Variants in NUP205 observed in about 807,000 individuals in gnomAD.
The protein encoded by NUP205 is nuclear pore complex protein Nup205.
In NUP205, 76 loss-of-function variants were observed where a neutral mutation model predicts 253.8. The ratio of observed to expected loss-of-function variants is 0.30; its 90% CI spans 0.25 to 0.36. NUP205 has a LOEUF of 0.36. NUP205 is among the 10% of genes least tolerant of loss of function. The probability of loss-of-function intolerance (pLI) is 1.00; values close to 1 mark genes in which losing one functional copy is unlikely to be tolerated. For synonymous variants in NUP205, 832 were observed against 850.1 expected (o/e 0.98, Z 0.37); for missense variants, 2,162 against 2,425.5 (o/e 0.89, Z 2.28).
intron 22 of NUP205, among the ~76,000 whole-genome samples, chr7:135,613,544 T>C (rs1563128926): frequency 6.6e-6 from 1 of 151,374 alleles, no homozygotes; most frequent in East Asian, 1.9e-4. Context: ...TCTTTTTTTT[T>C]CTTTTTTTTT....
chr7:135,626,425 A>T, intron 33 of NUP205, 64 bp downstream of exon 33: 1 of 1,542,168 alleles, frequency 6.5e-7, no homozygotes, highest in Non-Finnish European at 8.8e-7. Flanking sequence ...GGAAGAAAAA[A>T]TTCCAAACAT....
chr7:135,626,466 T>C, intron 33 of NUP205, 105 bp downstream of exon 33: 1 of 1,271,718 alleles, frequency 7.9e-7, no homozygotes, highest in Non-Finnish European at 1.1e-6. Flanking sequence ...CTCTTTCATC[T>C]TGGTGTGGGT....
chr7:135,605,904 A>G (rs1345098771), intron 19 of NUP205, among the ~76,000 whole-genome samples: 10 of 151,928 alleles, frequency 6.6e-5, no homozygotes, highest in Admixed American at 2.6e-4. Context: ...AAAATTAGGA[A>G]GCAAGTTTTG....
At chr7:135,589,169 C>CT (rs1806554376) in intron 10 of NUP205, among the ~76,000 whole-genome samples, 1 of 143,094 alleles carries the variant, frequency 7.0e-6, no homozygotes, top group East Asian at 2.0e-4. Flanking sequence ...GACCCTGACT[C>CT]TTTAAAAAAA....
rs61756075 is a variant in NUP205 at position 135,577,126 on chromosome 7, G to C, written c.646G>C (p.Glu216Gln). The C allele has an allele frequency of 8.0e-4, 1,288 of 1,610,110 alleles. 1 individual carries two copies. Among genetic ancestry groups the C allele is most frequent in the Non-Finnish European group, 9.7e-4 (1,148 of 1,178,666 alleles). The change falls in exon 5 of 43, where the codon GAG (glutamate) becomes CAG (glutamine). Residue 216 changes from glutamate to glutamine, a missense_variant and splice_region_variant. By Grantham distance (29) the Glu-to-Gln change is conservative (BLOSUM62 2). Around this residue, in one of 5 missense-constraint regions of NUP205, gnomAD observed 892 missense variants for 957.1 expected, o/e 0.93. Transcript: ENST00000285968. ...RGLGSEKHRK[E>Q]VSDLIKECRQ... is the part of the protein sequence containing the mutation. Reference sequence around the variant, plus strand: ...TTTGGGCAGTGAAAAACATCGCAAAGAGGCAAGGGTTCAATGAAATCAATT... The same window carrying C: ...TTTGGGCAGTGAAAAACATCGCAAACAGGCAAGGGTTCAATGAAATCAATT...
At position 135,593,074 on chromosome 7, in the gene NUP205, A is replaced by G. The variant is rs766056265; in HGVS notation, c.1712A>G (p.Lys571Arg). The change falls in exon 12 of 43, where the codon AAG (lysine) becomes AGG (arginine). Residue 571 changes from lysine to arginine, a missense_variant. Physicochemically the swap from Lys to Arg is conservative, Grantham distance 26 (BLOSUM62 2). Coordinates refer to ENST00000285968, the MANE Select transcript of NUP205 (RefSeq NM_015135.3). ...SLMLYHEHLR[K>R]DLPSADSVQY... ...ATGCTTTACCACGAACACCTTCGGA[A>G]GGATCTTCCAAGTGCAGATAGTGTC... is the stretch of plus-strand genomic sequence containing the variant. 1.2e-6 allele frequency: 2 copies of G among 1,614,118 alleles called. No individual in the cohort carries two copies. Among genetic ancestry groups the G allele is most frequent in the South Asian group, 2.2e-5 (2 of 91,080 alleles).
chr7:135,610,523 A>G (rs956623561), intron 22 of NUP205, among the ~76,000 whole-genome samples: 1 of 152,098 alleles, frequency 6.6e-6, no homozygotes, highest in Non-Finnish European at 1.5e-5. Context: ...CCCGGCCATA[A>G]CATATGCTCT....
intron 1 of NUP205, among the ~76,000 whole-genome samples, chr7:135,562,766 T>C (rs1216823105): frequency 2.6e-5 from 4 of 151,912 alleles, no homozygotes; most frequent in Non-Finnish European, 5.9e-5. Flanking sequence ...AGGATGGTCT[T>C]GATCTCCTGA....
At chr7:135,636,191 T>C (rs985399951) in intron 36 of NUP205, among the ~76,000 whole-genome samples, 2 of 152,190 alleles carry the variant, frequency 1.3e-5, no homozygotes, top group African/African-American at 4.8e-5. Flanking sequence ...TCTGGGAGCC[T>C]CTTGGCCTGG....
In NUP205 at chr7:135,635,538, G is replaced by T. The variant is rs752858003; in HGVS notation, c.5060-43G>T. 1.0e-5 allele frequency: 11 copies of T among 1,053,430 alleles called. No individual in the cohort carries two copies. In the South Asian group the frequency reaches 1.5e-4, roughly 15 times the overall value. 65.3% of individuals were successfully genotyped at this position (1,053,430 alleles called of 1,614,324 possible). A position where few individuals can be genotyped will look rare whatever the true frequency, so the allele number is the denominator to read the frequency against. ...TCTCTTCCTAGTTTTTAATGTTTTT[G>T]TTTATTATAATAATATGTTTTAAAG... On this transcript the variant is annotated intron_variant, in intron 35 of 42. Transcript: ENST00000285968.
chr7:135,627,825 C>T (rs975588067), intron 33 of NUP205, 148 bp from the exon 34 acceptor site: 24 of 594,752 alleles, frequency 4.0e-5, no homozygotes, highest in Non-Finnish European at 5.8e-5. Context: ...CTCTGGACCG[C>T]GGATGTATAT....
chr7:135,625,988 A>C (rs1387271680), intron 32 of NUP205, among the ~76,000 whole-genome samples: 1 of 152,206 alleles, frequency 6.6e-6, no homozygotes, highest in Non-Finnish European at 1.5e-5. Flanking sequence ...CCACATGATA[A>C]TAACAGGACC....
chr7:135,560,851 G>A (rs1330443340), intron 1 of NUP205, among the ~76,000 whole-genome samples: 2 of 152,140 alleles, frequency 1.3e-5, no homozygotes, highest in Non-Finnish European at 2.9e-5. Flanking sequence ...TTGTTTAGGG[G>A]GCATAGAGTT....
At chr7:135,646,580 A>AATTC (rs1795015157) in intron 42 of NUP205, among the ~76,000 whole-genome samples, 2 of 152,156 alleles carry the variant, frequency 1.3e-5, no homozygotes. Context: ...TGAAAGAGTG[A>AATTC]AGCAAGACCT....
chr7:135,601,222 G>A (rs1793959042), intron 16 of NUP205, 148 bp from the exon 17 acceptor site: 1 of 715,680 alleles, frequency 1.4e-6, no homozygotes, highest in Admixed American at 3.0e-5. Context: ...TTGCCCTTAG[G>A]AGAATTACTG....
At chr7:135,625,027 G>T (rs1794555660) in intron 31 of NUP205, 137 bp from the exon 32 acceptor site, 2 of 726,130 alleles carry the variant, frequency 2.8e-6, no homozygotes, top group Middle Eastern at 3.9e-4. Context: ...AAATAAAAAG[G>T]AAATTTTGTT....
intron 35 of NUP205, among the ~76,000 whole-genome samples, chr7:135,631,280 A>C (rs1452189083): frequency 6.6e-6 from 1 of 152,244 alleles, no homozygotes; most frequent in Admixed American, 6.5e-5. Context: ...TGTGAATTTT[A>C]CATGAACACA....
At chr7:135,582,038 T>C (rs1052084517) in intron 7 of NUP205, among the ~76,000 whole-genome samples, 1 of 152,050 alleles carries the variant, frequency 6.6e-6, no homozygotes, top group African/African-American at 2.4e-5. Flanking sequence ...GTAATGTCAG[T>C]GCTTTGGGAG....
At chr7:135,614,360 T>A (rs763892192) in intron 23 of NUP205, 87 bp downstream of exon 23, 6 of 755,606 alleles carry the variant, frequency 7.9e-6, no homozygotes, top group African/African-American at 1.8e-5. Flanking sequence ...GGGGGAATTC[T>A]GTTCTCATTC....
Sources: allele counts gnomAD v4.1 joint callset (sites outside exome capture counted in the v4.1 genomes callset), GRCh38; gene constraint gnomAD v4.1.1; regional missense constraint gnomAD v4.1.1; transcripts MANE v1.5; gene names NCBI Gene and HGNC (gene_info 2026-07-23, HGNC 2026-07-21).